PRKAR1B: variants seen among roughly 807,000 people sequenced by gnomAD.
PRKAR1B encodes the protein cAMP-dependent protein kinase type I-beta regulatory subunit.
In PRKAR1B, 22 loss-of-function variants were observed where a neutral mutation model predicts 46.5. That is an observed-to-expected ratio of 0.47 (90% CI 0.34 to 0.68). The LOEUF (loss-of-function observed/expected upper bound fraction) is 0.68, where lower values mean the gene tolerates loss of function less well. Ranked by LOEUF, PRKAR1B falls within the 30% of genes least tolerant of loss-of-function variation. The pLI is 0.01. For synonymous variants in PRKAR1B, 259 were observed against 217.7 expected (o/e 1.19, Z -1.67); for missense variants, 445 against 535.6 (o/e 0.83, Z 1.67).
intron 1 of PRKAR1B, among the ~76,000 whole-genome samples, chr7:723,605 G>A (rs935409510): frequency 1.1e-4 from 16 of 152,134 alleles, no homozygotes; most frequent in South Asian, 2.1e-4. Context: ...ATTCTTTCTC[G>A]TCTTCAGCAC....
chr7:555,844 T>C (rs549339168), intron 9 of PRKAR1B, among the ~76,000 whole-genome samples: 33 of 152,260 alleles, frequency 2.2e-4, no homozygotes, highest in African/African-American at 6.5e-4. Flanking sequence ...TCACAGGCCC[T>C]GTTGCAGGAG....
intron 4 of PRKAR1B, among the ~76,000 whole-genome samples, chr7:637,913 AC>A (rs1784206552): frequency 6.7e-6 from 1 of 148,152 alleles, no homozygotes; most frequent in Non-Finnish European, 1.5e-5. Context: ...GACAATGAGA[AC>A]CCTGCATGGG....
intron 4 of PRKAR1B, among the ~76,000 whole-genome samples, chr7:629,243 G>A (rs1249396632): frequency 2.6e-5 from 4 of 152,232 alleles, no homozygotes; most frequent in Non-Finnish European, 5.9e-5. Context: ...CTCCAAGCGC[G>A]AGGGCTGGAA....
chr7:566,334 TTCATCATCACCATTA>T (rs988470945), intron 9 of PRKAR1B, among the ~76,000 whole-genome samples: 1 of 92,784 alleles, frequency 1.1e-5, no homozygotes, highest in African/African-American at 4.1e-5. Flanking sequence ...ACTCATCACC[TTCATCATCACCATTA>T]TCATCATCAC....
intron 2 of PRKAR1B, among the ~76,000 whole-genome samples, chr7:709,681 T>C (rs568246691): frequency 5.9e-4 from 90 of 152,196 alleles, no homozygotes; most frequent in Middle Eastern, 3.4e-3. Flanking sequence ...TGTGTATGTA[T>C]TTCTGAGACA....
intron 6 of PRKAR1B, among the ~76,000 whole-genome samples, chr7:600,558 C>T (rs550712198): frequency 5.9e-5 from 9 of 152,244 alleles, no homozygotes; most frequent in Non-Finnish European, 1.2e-4. Flanking sequence ...AACATCTGAT[C>T]AGATCACCAA....
At position 602,606 on chromosome 7, in the gene PRKAR1B, G is replaced by C. The variant is rs1273844139; in HGVS notation, c.549+3587C>G. ...CGGCTGGGGCCTGGCGCTGGGGCAG[G>C]AGGGTGGCCACCCGCGCTGAAGATG... On this transcript the variant is annotated intron_variant, in intron 6 of 10. Transcript: ENST00000537384. The surrounding 1 kb of genome is among the most constrained non-coding windows in gnomAD (Gnocchi z 6.4). 1 of 169,572 alleles carries C rather than the reference G, an allele frequency of 5.9e-6. No homozygotes were observed. Among genetic ancestry groups the C allele is most frequent in the African/African-American group, 2.4e-5 (1 of 41,522 alleles). 10.5% of individuals were successfully genotyped at this position (169,572 alleles called of 1,614,324 possible).
chr7:552,968 G>A (rs920799278), intron 9 of PRKAR1B, among the ~76,000 whole-genome samples: 1 of 152,266 alleles, frequency 6.6e-6, no homozygotes, highest in Non-Finnish European at 1.5e-5. Context: ...GCCGTGGGCA[G>A]CATATCACAG....
intron 2 of PRKAR1B, among the ~76,000 whole-genome samples, chr7:695,195 C>T (rs1779662630): frequency 6.6e-6 from 1 of 152,134 alleles, no homozygotes; most frequent in Admixed American, 6.6e-5. Context: ...TCGGCAGGTG[C>T]AGGGATGGTT....
intron 4 of PRKAR1B, among the ~76,000 whole-genome samples, chr7:634,883 G>A (rs549140905): frequency 3.3e-5 from 5 of 151,978 alleles, no homozygotes; most frequent in Admixed American, 1.3e-4. Flanking sequence ...CAAGCGATCC[G>A]CCCACCTCAG....
At chr7:607,537 T>A in intron 4 of PRKAR1B, 85 bp from the exon 5 acceptor site, 1 of 1,183,574 alleles carries the variant, frequency 8.4e-7, no homozygotes, top group Non-Finnish European at 1.3e-6. Flanking sequence ...CAGTCTTGTG[T>A]AAATCGCTTC....
At chr7:603,373 G>A (rs1781759986) in intron 6 of PRKAR1B, 1 of 152,854 alleles carries the variant, frequency 6.5e-6, no homozygotes, top group South Asian at 2.0e-4. Context: ...GTAGGAGTTT[G>A]TGAGGCAGAG....
intron 7 of PRKAR1B, among the ~76,000 whole-genome samples, chr7:586,299 G>A (rs1172808813): frequency 6.6e-6 from 1 of 152,226 alleles, no homozygotes; most frequent in Non-Finnish European, 1.5e-5. Flanking sequence ...CACCCTGTGT[G>A]CTCTGTCCCA....
chr7:591,645 T>G (rs1780985527), intron 7 of PRKAR1B, among the ~76,000 whole-genome samples: 1 of 152,062 alleles, frequency 6.6e-6, no homozygotes, highest in Admixed American at 6.6e-5. Context: ...AGCTCATGAG[T>G]TTGAGACCAG....
At position 593,287 on chromosome 7, in the gene PRKAR1B, C is replaced by T. The variant is rs372183245; in HGVS notation, c.708+2859G>A. Among the ~76,000 whole-genome samples, 5 of 152,234 alleles carry T rather than the reference C, an allele frequency of 3.3e-5. No homozygotes were observed. In the East Asian group the frequency reaches 7.7e-4, roughly 24 times the overall value. On this transcript the variant is annotated intron_variant, in intron 7 of 10. Transcript: ENST00000537384. The surrounding 1 kb of genome is among the most constrained non-coding windows in gnomAD (Gnocchi z 6.1). ...CCTGGAGACACCAGACCGGGTCTCC[C>T]GCGTCCCCCAGGTCCCAGCACGTCC...
intron 9 of PRKAR1B, among the ~76,000 whole-genome samples, chr7:566,226 GTCA>G (rs1361576161): frequency 4.6e-5 from 3 of 64,952 alleles, no homozygotes; most frequent in East Asian, 1.0e-3. Context: ...GACCATCATG[GTCA>G]TCATCACTAT....
At chr7:711,669 C>T (rs1001426597) in intron 1 of PRKAR1B, 142 bp from the exon 2 acceptor site, 4 of 805,350 alleles carry the variant, frequency 5.0e-6, no homozygotes, top group Non-Finnish European at 7.7e-6. Flanking sequence ...ATCTTTCATT[C>T]TGTGGGGCCA....
intron 4 of PRKAR1B, among the ~76,000 whole-genome samples, chr7:674,074 C>A (rs980987668): frequency 6.6e-6 from 1 of 152,202 alleles, no homozygotes; most frequent in African/African-American, 2.4e-5. Flanking sequence ...CCGCCCACCT[C>A]GAATCTCACT....
At chr7:673,752 G>A (rs1014824710) in intron 4 of PRKAR1B, among the ~76,000 whole-genome samples, 3 of 152,220 alleles carry the variant, frequency 2.0e-5, no homozygotes, top group Non-Finnish European at 4.4e-5. Context: ...TCCCAGGGCC[G>A]CTGTGAGCAA....
Sources: allele counts gnomAD v4.1 joint callset (sites outside exome capture counted in the v4.1 genomes callset), GRCh38; gene constraint gnomAD v4.1.1; non-coding constraint Gnocchi (gnomAD v3.1); transcripts MANE v1.5; gene names NCBI Gene and HGNC (gene_info 2026-07-23, HGNC 2026-07-21).